Variants in FREM2 observed in about 807,000 individuals in gnomAD.
The protein encoded by FREM2 is FRAS1-related extracellular matrix protein 2.
A neutral mutation model predicts 219.9 loss-of-function variants in FREM2; 119 were observed. The observed-to-expected ratio is 0.54, with a 90% CI of 0.47 to 0.63. The LOEUF is 0.63. Among genes scored for constraint, FREM2 ranks in the 30% least tolerant of loss-of-function variants. FREM2 has a pLI of 0.00. For synonymous variants in FREM2, 1,562 were observed against 1,522.8 expected (o/e 1.03, Z -0.60); for missense variants, 4,030 against 3,993.6 (o/e 1.01, Z -0.25).
intron 2 of FREM2, among the ~76,000 whole-genome samples, chr13:38,739,110 G>A (rs775295690): frequency 6.6e-6 from 1 of 152,184 alleles, no homozygotes; most frequent in Admixed American, 6.5e-5. Context: ...AATAATTGCT[G>A]TTGGTGGAGG....
chr13:38,792,150 C>A (rs1375267083), intron 6 of FREM2, among the ~76,000 whole-genome samples: 1 of 152,060 alleles, frequency 6.6e-6, no homozygotes, highest in Non-Finnish European at 1.5e-5. Flanking sequence ...AGTTTGAGAC[C>A]AGCCTGACCA....
chr13:38,736,885 C>CT lies in FREM2; in HGVS notation c.5264-27410dup, dbSNP rs944041658. 6.0e-5 allele frequency among the ~76,000 whole-genome samples: 9 copies of CT among 150,520 alleles called. No individual in the cohort carries two copies. The South Asian group carries it at 8.4e-4, about 14-fold the overall frequency. On this transcript the variant is annotated intron_variant, in intron 2 of 23. Coordinates refer to ENST00000280481, the MANE Select transcript of FREM2 (RefSeq NM_207361.6). ...ACCGTTTGTTTTTTTTTTCTGCTTT[C>CT]TTTTTTTTTCTTTCTGTTTTCTTCT...
Position 38,689,525 on chromosome 13 carries a change from C to A in FREM2, c.2181C>A (p.Arg727=), listed in dbSNP as rs747186657. ...CACCACTGAGGAAGAAGTGGCTGCGCTACACTGACCTGGACACAGATGACC... is the reference window on the plus strand; with the variant it reads ...CACCACTGAGGAAGAAGTGGCTGCGATACACTGACCTGGACACAGATGACC... ...QLTPLRKKWL[R]YTDLDTDDRE... Residue 727 remains arginine (R), a synonymous_variant, in exon 1 of 24, where the codon CGC becomes CGA. Coordinates refer to ENST00000280481, the MANE Select transcript of FREM2 (RefSeq NM_207361.6). 1 of 1,614,050 alleles carries A rather than the reference C, an allele frequency of 6.2e-7. No homozygotes were observed. The highest frequency in any genetic ancestry group is 2.2e-5 in the East Asian group (1 of 44,854).
At chr13:38,749,069 A>G (rs772534026) in intron 2 of FREM2, among the ~76,000 whole-genome samples, 4 of 152,118 alleles carry the variant, frequency 2.6e-5, no homozygotes, top group Admixed American at 6.5e-5. Flanking sequence ...AAGCCTTTCT[A>G]TTTTGTGTTC....
chr13:38,754,898 G>GATTATTATT (rs770487106), intron 2 of FREM2, among the ~76,000 whole-genome samples: 15,456 of 121,970 alleles, frequency 0.13, 1,192 homozygotes, highest in Non-Finnish European at 0.18. Context: ...TGATGATGAT[G>GATTATTATT]ATGATTATTA....
chr13:38,749,919 T>A (rs2137792096), intron 2 of FREM2, among the ~76,000 whole-genome samples: 1 of 152,330 alleles, frequency 6.6e-6, no homozygotes. Context: ...AAATGCCACC[T>A]GCATTTTATA....
In FREM2 at chr13:38,829,241, G is replaced by A. The variant is rs147458737; in HGVS notation, c.6020-17332G>A. On this transcript the variant is annotated intron_variant, in intron 6 of 23. Coordinates refer to ENST00000280481, the MANE Select transcript of FREM2 (RefSeq NM_207361.6). ...AGCAAAGTTATTTAATTGAGAAAAG[G>A]CATCCATATTGGCATTCACTGTGCT... Among the ~76,000 whole-genome samples, 733 of 152,148 alleles carry A rather than the reference G, an allele frequency of 4.8e-3. 6 individuals carry two copies. Among genetic ancestry groups the A allele is most frequent in the African/African-American group, 0.017 (705 of 41,532 alleles).
intron 6 of FREM2, among the ~76,000 whole-genome samples, chr13:38,794,444 A>G (rs934712445): frequency 6.6e-6 from 1 of 152,140 alleles, no homozygotes; most frequent in Non-Finnish European, 1.5e-5. Flanking sequence ...TAACCAGCTT[A>G]TTTTGTGTAT....
intron 2 of FREM2, among the ~76,000 whole-genome samples, chr13:38,707,677 A>G (rs550239508): frequency 6.6e-6 from 1 of 152,216 alleles, no homozygotes; most frequent in Non-Finnish European, 1.5e-5. Flanking sequence ...TTTTAAGAAT[A>G]GTTCAAGAGT....
At chr13:38,704,393 G>A (rs576494742) in intron 2 of FREM2, among the ~76,000 whole-genome samples, 6 of 152,210 alleles carry the variant, frequency 3.9e-5, no homozygotes, top group African/African-American at 7.2e-5. Flanking sequence ...TAGAGACACA[G>A]CTGTCAGGAA....
intron 6 of FREM2, among the ~76,000 whole-genome samples, chr13:38,791,755 A>G (rs913813486): frequency 2.0e-5 from 3 of 152,178 alleles, no homozygotes; most frequent in African/African-American, 7.2e-5. Context: ...TGAGATTTGC[A>G]TGGGGACACA....
intron 6 of FREM2, among the ~76,000 whole-genome samples, chr13:38,822,304 A>G (rs1418805689): frequency 1.3e-5 from 2 of 151,266 alleles, no homozygotes; most frequent in Non-Finnish European, 2.9e-5. Context: ...ACAGAGCTGA[A>G]GCTCTGTGGT....
In FREM2 at chr13:38,848,478, G is replaced by C. The variant is rs1430220138; in HGVS notation, c.6187G>C (p.Gly2063Arg). The C allele has an allele frequency of 5.0e-6, 8 of 1,613,360 alleles. No individual in the cohort carries two copies. The highest frequency in any genetic ancestry group is 3.4e-6 in the Non-Finnish European group (4 of 1,179,358). The change falls in exon 8 of 24, where the codon GGC becomes CGC. Residue 2063 changes from glycine to arginine, a missense_variant. By Grantham distance (125) the Gly-to-Arg change is moderately radical. Coordinates refer to ENST00000280481, the MANE Select transcript of FREM2 (RefSeq NM_207361.6). ...PSADAGTDYV[G>R]ISRNLDFAPG... ...TGTCATAGCTGGAACAGACTATGTG[G>C]GCATCAGCCGTAATTTAGATTTTGC...
In FREM2 at chr13:38,701,049, G is replaced by A. The variant is rs902235996; in HGVS notation, c.5263+3262G>A. The stretch of plus-strand genomic sequence containing the variant: ...TGTGGAGGTTTGTTATATAGGTAAA[G>A]TCATGTCAAGGGGGGTTGTTGTGCT... On this transcript the variant is annotated intron_variant, in intron 2 of 23. Coordinates refer to ENST00000280481, the MANE Select transcript of FREM2 (RefSeq NM_207361.6). Among the ~76,000 whole-genome samples the A allele has an allele frequency of 9.2e-5, 14 of 152,008 alleles. 1 individual carries two copies. The highest frequency in any genetic ancestry group is 1.6e-4 in the Non-Finnish European group (11 of 67,960).
intron 2 of FREM2, among the ~76,000 whole-genome samples, chr13:38,750,399 T>A (rs1047002207): frequency 3.3e-5 from 5 of 152,236 alleles, no homozygotes; most frequent in Non-Finnish European, 5.9e-5. Context: ...TGTGCCTAGC[T>A]TATTTTACTT....
chr13:38,836,044 G>A (rs1287191714), intron 6 of FREM2, among the ~76,000 whole-genome samples: 5 of 152,264 alleles, frequency 3.3e-5, no homozygotes, highest in African/African-American at 1.2e-4. Context: ...AATGCTTCCA[G>A]CTTTTGCCCA....
chr13:38,715,407 T>C (rs2138100383), intron 2 of FREM2, among the ~76,000 whole-genome samples: 1 of 152,286 alleles, frequency 6.6e-6, no homozygotes, highest in East Asian at 1.9e-4. Context: ...TCCCCAGATG[T>C]TGGAAGACTT....
At chr13:38,832,972 G>A (rs1056486941) in intron 6 of FREM2, among the ~76,000 whole-genome samples, 1 of 152,052 alleles carries the variant, frequency 6.6e-6, no homozygotes, top group African/African-American at 2.4e-5. Flanking sequence ...CCAGGAGGTG[G>A]AGGTTGCAGT....
chr13:38,698,624 G>A lies in FREM2; in HGVS notation c.5263+837G>A, dbSNP rs1870212486. 1.3e-5 allele frequency among the ~76,000 whole-genome samples: 2 copies of A among 152,150 alleles called. 1 individual carries two copies. The highest frequency in any genetic ancestry group is 4.1e-4 in the South Asian group (2 of 4,826). On this transcript the variant is annotated intron_variant, in intron 2 of 23. Transcript: ENST00000280481. Reference sequence around the variant, plus strand: ...GTTGTGTGAACAGGACACCAGAACTGAGGGTATATGTGAGAGAGCAGAGAG... The same window carrying A: ...GTTGTGTGAACAGGACACCAGAACTAAGGGTATATGTGAGAGAGCAGAGAG...
Sources: gnomAD v4.1 joint callset for allele counts (sites outside exome capture counted in the v4.1 genomes callset) on GRCh38, gnomAD v4.1.1 for gene constraint, MANE v1.5 for transcripts, NCBI Gene and HGNC (gene_info 2026-07-23, HGNC 2026-07-21) for gene names.